LRMDA: variants seen among roughly 807,000 people sequenced by gnomAD.
The protein encoded by LRMDA is leucine-rich melanocyte differentiation-associated protein.
In LRMDA, 18 loss-of-function variants were observed where a neutral mutation model predicts 29.8. The observed-to-expected ratio is 0.60, with a 90% CI of 0.42 to 0.90. LRMDA has a LOEUF of 0.90. Among genes scored for constraint, LRMDA ranks in the 40% least tolerant of loss-of-function variants. The probability of loss-of-function intolerance (pLI) is 0.00; values close to 1 mark genes in which losing one functional copy is unlikely to be tolerated. For synonymous variants in LRMDA, 125 were observed against 109.4 expected, an observed-to-expected ratio of 1.14 and a Z score of -0.89; for missense variants, 273 against 273.9, an observed-to-expected ratio of 1.00 and a Z score of 0.02.
At chr10:75,579,788 A>C (rs1840562025) in intron 2 of LRMDA, among the ~76,000 whole-genome samples, 2 of 152,232 alleles carry the variant, frequency 1.3e-5, no homozygotes, top group Admixed American at 6.5e-5. Flanking sequence ...AATAAACATA[A>C]TCCATCACAT....
At chr10:75,515,723 T>C (rs946125617) in intron 2 of LRMDA, among the ~76,000 whole-genome samples, 6 of 152,256 alleles carry the variant, frequency 3.9e-5, no homozygotes, top group Non-Finnish European at 5.9e-5. Flanking sequence ...TAAATTATAC[T>C]TTAAGTTCTA....
intron 2 of LRMDA, among the ~76,000 whole-genome samples, chr10:75,595,403 G>A (rs1397849089): frequency 6.6e-6 from 1 of 151,576 alleles, no homozygotes; most frequent in African/African-American, 2.4e-5. Context: ...AGTTCAGTTG[G>A]GTTTATAGAC....
At position 76,509,365 on chromosome 10, in the gene LRMDA, A is replaced by T. The variant is rs540663649; in HGVS notation, c.602-47844A>T. Among the ~76,000 whole-genome samples the T allele has an allele frequency of 3.9e-5, 6 of 152,242 alleles. No homozygotes were observed. In the East Asian group the frequency reaches 1.2e-3, roughly 29 times the overall value. On this transcript the variant is annotated intron_variant, in intron 6 of 6. Coordinates refer to ENST00000611255, the MANE Select transcript of LRMDA (RefSeq NM_001305581.2). Reference sequence around the variant, plus strand: ...ATGAAGGGTTGGGAGAACAGGCGTGACTCTACCAAAAACAGGCAGATAATC... The same window carrying T: ...ATGAAGGGTTGGGAGAACAGGCGTGTCTCTACCAAAAACAGGCAGATAATC...
chr10:76,117,719 T>G (rs1028192236), intron 5 of LRMDA, among the ~76,000 whole-genome samples: 1 of 152,312 alleles, frequency 6.6e-6, no homozygotes, highest in Admixed American at 6.5e-5. Context: ...AGGACCAAAC[T>G]TTTCTGTGAG....
In LRMDA at chr10:76,047,175, G is replaced by A. The variant is rs778305279; in HGVS notation, c.270G>A (p.Leu90=). 1.9e-6 allele frequency: 3 copies of A among 1,613,818 alleles called. No homozygotes were observed. In the South Asian group the frequency reaches 3.3e-5, roughly 18 times the overall value. Residue 90 remains leucine, a synonymous_variant, in exon 4 of 7, where the codon TTG becomes TTA. Coordinates refer to ENST00000611255, the MANE Select transcript of LRMDA (RefSeq NM_001305581.2). The part of the protein sequence containing the change: ...LTLNKNRITD[L]ENLLDHLAEV... ...TTAACCTTTGTCACATCACTGATTT[G>A]GAGAACCTGCTGGATCACTTGGCAG...
intron 6 of LRMDA, among the ~76,000 whole-genome samples, chr10:76,469,984 A>T (rs1251464137): frequency 1.3e-5 from 2 of 152,120 alleles, no homozygotes; most frequent in East Asian, 1.9e-4. Flanking sequence ...ATGGATTAAC[A>T]ATTAGCTTTC....
intron 6 of LRMDA, among the ~76,000 whole-genome samples, chr10:76,480,939 G>T (rs1842727612): frequency 1.3e-5 from 2 of 151,930 alleles, no homozygotes; most frequent in African/African-American, 4.8e-5. Context: ...CGACTCAATG[G>T]TATGAATAAT....
intron 6 of LRMDA, among the ~76,000 whole-genome samples, chr10:76,379,665 T>C (rs1841566450): frequency 6.6e-6 from 1 of 152,160 alleles, no homozygotes; most frequent in African/African-American, 2.4e-5. Flanking sequence ...AAAAAACGAC[T>C]TTTTGTTTTA....
intron 2 of LRMDA, among the ~76,000 whole-genome samples, chr10:75,845,656 A>G (rs746670735): frequency 6.6e-6 from 1 of 152,130 alleles, no homozygotes; most frequent in South Asian, 2.1e-4. Context: ...CAGGCCATCA[A>G]TTGCACCATC....
At chr10:76,250,008 G>A (rs1852446179) in intron 5 of LRMDA, among the ~76,000 whole-genome samples, 1 of 152,186 alleles carries the variant, frequency 6.6e-6, no homozygotes. Context: ...GTTTCGCCAT[G>A]TTGGCCACCT....
chr10:76,261,834 G>A (rs779711331), intron 5 of LRMDA, among the ~76,000 whole-genome samples: 3 of 152,164 alleles, frequency 2.0e-5, no homozygotes, highest in Non-Finnish European at 4.4e-5. Context: ...TGCCACATGT[G>A]CACAATAGGT....
chr10:76,052,744 C>T (rs1030961657), intron 4 of LRMDA, among the ~76,000 whole-genome samples: 1 of 152,148 alleles, frequency 6.6e-6, no homozygotes, highest in African/African-American at 2.4e-5. Context: ...ACAAATGGGT[C>T]TTTAAGCACC....
At chr10:75,662,827 T>C (rs1428703005) in intron 2 of LRMDA, among the ~76,000 whole-genome samples, 2 of 152,188 alleles carry the variant, frequency 1.3e-5, no homozygotes, top group African/African-American at 4.8e-5. Flanking sequence ...GCCTGGAGAA[T>C]ATCCTGGCTG....
intron 5 of LRMDA, among the ~76,000 whole-genome samples, chr10:76,070,547 A>G (rs990540748): frequency 6.6e-6 from 1 of 152,162 alleles, no homozygotes; most frequent in Non-Finnish European, 1.5e-5. Context: ...TTTAACCTTA[A>G]TTACCTCCTA....
chr10:75,552,661 T>G, intron 2 of LRMDA: 1 of 354,680 alleles, frequency 2.8e-6, no homozygotes, highest in South Asian at 2.1e-5. Context: ...TTCAAACTTT[T>G]TTTTTCTGCT....
intron 2 of LRMDA, among the ~76,000 whole-genome samples, chr10:75,959,319 C>T (rs1054274186): frequency 3.3e-5 from 5 of 152,068 alleles, no homozygotes; most frequent in African/African-American, 1.2e-4. Flanking sequence ...TTGGGCAGCA[C>T]CACCTTGGCC....
At chr10:76,536,344 A>G (rs1249842807) in intron 6 of LRMDA, among the ~76,000 whole-genome samples, 1 of 151,968 alleles carries the variant, frequency 6.6e-6, no homozygotes, top group South Asian at 2.1e-4. Flanking sequence ...TATACTTTGC[A>G]TTTGATGGTT....
At chr10:76,115,661 C>T (rs1475953342) in intron 5 of LRMDA, among the ~76,000 whole-genome samples, 1 of 152,190 alleles carries the variant, frequency 6.6e-6, no homozygotes, top group East Asian at 1.9e-4. Flanking sequence ...TGTCATAGAA[C>T]ATGATTAGTA....
chr10:75,771,521 G>A (rs1010654358), intron 2 of LRMDA, among the ~76,000 whole-genome samples: 13 of 152,140 alleles, frequency 8.5e-5, no homozygotes, highest in African/African-American at 2.9e-4. Flanking sequence ...GAGGACCAGA[G>A]GAGGTCAGTG....
Sources: allele counts gnomAD v4.1 joint callset (sites outside exome capture counted in the v4.1 genomes callset), GRCh38; gene constraint gnomAD v4.1.1; transcripts MANE v1.5; gene names NCBI Gene and HGNC (gene_info 2026-07-23, HGNC 2026-07-21).